The following KANK1 variants were observed in gnomAD, a reference collection of about 807,000 sequenced individuals.
KANK1 encodes KN motif and ankyrin repeat domain-containing protein 1.
In KANK1, 109 loss-of-function variants were observed where a neutral mutation model predicts 106.2. That is an observed-to-expected ratio of 1.03 (90% CI 0.88 to 1.20). The LOEUF (loss-of-function observed/expected upper bound fraction) is 1.20. Among genes scored for constraint, KANK1 ranks in the 50% most tolerant of loss-of-function variants. The pLI, the probability that KANK1 is intolerant of heterozygous loss-of-function variation, is 0.00. For missense variants in KANK1, 2,399 were observed against 1,710.7 expected, an observed-to-expected ratio of 1.40 and a Z score of -7.10; for synonymous variants, 873 against 652.2, an observed-to-expected ratio of 1.34 and a Z score of -5.16.
At chr9:662,411 A>T (rs564752044) in intron 1 of KANK1, among the ~76,000 whole-genome samples, 2 of 152,300 alleles carry the variant, frequency 1.3e-5, no homozygotes, top group South Asian at 4.1e-4. Context: ...GCATCACGCT[A>T]CCTGACTTTA....
At chr9:706,819 G>T in intron 2 of KANK1, 1 of 985,482 alleles carries the variant, frequency 1.0e-6, no homozygotes, top group Non-Finnish European at 1.2e-6. Flanking sequence ...TTGTGCCTCT[G>T]CACCTCCTCA....
rs1826319516 is a variant in KANK1, at chr9:712,175, A to G, written c.1409A>G (p.Tyr470Cys). 6.2e-6 allele frequency: 10 copies of G among 1,614,158 alleles called. No individual in the cohort carries two copies. The highest frequency in any genetic ancestry group is 8.5e-6 in the Non-Finnish European group (10 of 1,180,028). Residue 470 changes from tyrosine (Y) to cysteine (C), a missense_variant, in exon 3 of 12, where the codon TAT (tyrosine) becomes TGT (cysteine). Transcript: ENST00000382297. Reference protein sequence around the residue: ...QTIESLKEKIYRLEVQLRETT... With the variant: ...QTIESLKEKICRLEVQLRETT... Reference sequence around the variant, plus strand: ...ATAGAATCCTTGAAGGAAAAGATCTATCGCCTAGAAGTACAGCTTAGAGAA... The same window carrying G: ...ATAGAATCCTTGAAGGAAAAGATCTGTCGCCTAGAAGTACAGCTTAGAGAA...
At chr9:697,046 G>C (rs989335647) in intron 2 of KANK1, among the ~76,000 whole-genome samples, 2 of 152,000 alleles carry the variant, frequency 1.3e-5, no homozygotes, top group African/African-American at 4.8e-5. Context: ...AGATTTCCCA[G>C]TGGTTAACAT....
At chr9:478,862 G>C (rs2058153297) in intron 3 of KANK1, among the ~76,000 whole-genome samples, 1 of 151,554 alleles carries the variant, frequency 6.6e-6, no homozygotes, top group Non-Finnish European at 1.5e-5. Flanking sequence ...CTAAGTTTTT[G>C]ACCCCATTAT....
intron 1 of KANK1, among the ~76,000 whole-genome samples, chr9:594,647 C>A (rs1447776534): frequency 6.6e-6 from 1 of 151,656 alleles, no homozygotes; most frequent in Non-Finnish European, 1.5e-5. Context: ...AATGGAGAAT[C>A]CCTGAGTGTT....
At chr9:503,898 C>T (rs2058616543), upstream of KANK1, among the ~76,000 whole-genome samples, 2 of 152,190 alleles carry the variant, frequency 1.3e-5, no homozygotes, top group African/African-American at 4.8e-5. Context: ...GGCGTTGGGT[C>T]TTCTGTGGAG....
chr9:668,912 ACT>A (rs1845283082), intron 1 of KANK1, among the ~76,000 whole-genome samples: 1 of 151,876 alleles, frequency 6.6e-6, no homozygotes, highest in Non-Finnish European at 1.5e-5. Flanking sequence ...TAGGGTTTGC[ACT>A]CTTATGAGAA....
At chr9:621,587 T>G (rs1244754848) in intron 1 of KANK1, among the ~76,000 whole-genome samples, 1 of 152,214 alleles carries the variant, frequency 6.6e-6, no homozygotes, top group African/African-American at 2.4e-5. Flanking sequence ...ATTAGAGTTT[T>G]TCTTTGTTTT....
At chr9:684,182 A>G in intron 2 of KANK1, 1 of 985,348 alleles carries the variant, frequency 1.0e-6, no homozygotes, top group Non-Finnish European at 1.2e-6. Flanking sequence ...TTCTTGCCCC[A>G]AGCCTTGAGC....
intron 1 of KANK1, among the ~76,000 whole-genome samples, chr9:650,858 G>A (rs2031177): frequency 0.15 from 22,489 of 152,032 alleles, 2,573 homozygotes; most frequent in East Asian, 0.32. Flanking sequence ...TCTATTAAAG[G>A]CTACAAGGAA....
chr9:740,324 A>T (rs545793157), intron 8 of KANK1, among the ~76,000 whole-genome samples: 1 of 152,206 alleles, frequency 6.6e-6, no homozygotes, highest in South Asian at 2.1e-4. Flanking sequence ...TAGTAAATTC[A>T]GAGTCTCAGA....
chr9:626,671 T>A (rs949830555), intron 1 of KANK1, among the ~76,000 whole-genome samples: 1 of 152,190 alleles, frequency 6.6e-6, no homozygotes, highest in Non-Finnish European at 1.5e-5. Flanking sequence ...GTTACCACTA[T>A]TGCTGAAAAT....
chr9:473,188 C>T (rs990717301), intron 2 of KANK1: 1 of 152,226 alleles, frequency 6.6e-6, no homozygotes, highest in African/African-American at 2.4e-5. Flanking sequence ...TAATTCCTTT[C>T]TACAGGAGAG....
chr9:614,955 C>G (rs928978934), intron 1 of KANK1, among the ~76,000 whole-genome samples: 2 of 151,778 alleles, frequency 1.3e-5, no homozygotes, highest in Non-Finnish European at 2.9e-5. Context: ...ACCCATCCCC[C>G]CCCTGCCCTT....
At chr9:559,497 T>TTTCA (rs1815806967) in intron 1 of KANK1, among the ~76,000 whole-genome samples, 1 of 151,976 alleles carries the variant, frequency 6.6e-6, no homozygotes, top group South Asian at 2.1e-4. Context: ...CCAGGCCTGG[T>TTTCA]TTCATTATAT....
At chr9:720,166 T>A (rs1828920465) in intron 3 of KANK1, among the ~76,000 whole-genome samples, 1 of 152,184 alleles carries the variant, frequency 6.6e-6, no homozygotes, top group Non-Finnish European at 1.5e-5. Context: ...CATGCTTTAT[T>A]GGTGTTTATG....
At position 713,161 on chromosome 9, in the gene KANK1, G is replaced by A. The variant is rs1233835795; in HGVS notation, c.2395G>A (p.Val799Ile). The change falls in exon 3 of 12, where the codon GTT becomes ATT. Residue 799 changes from valine to isoleucine, a missense_variant. Physicochemically the swap from Val to Ile is conservative, Grantham distance 29. Coordinates refer to ENST00000382297, the MANE Select transcript of KANK1 (RefSeq NM_015158.5). ...GACAGCCAGCAGAAGGAGCGTGGGG[G>A]TTGGGGATGACCCTGTAGGGGAATC... ...GLTASRRSVG[V>I]GDDPVGESLE... The A allele has an allele frequency of 2.2e-5, 35 of 1,590,198 alleles. No individual in the cohort carries two copies. The East Asian group carries it at 7.8e-4, about 36-fold the overall frequency.
chr9:593,198 C>A (rs1386135706), intron 1 of KANK1, among the ~76,000 whole-genome samples: 1 of 151,778 alleles, frequency 6.6e-6, no homozygotes, highest in African/African-American at 2.4e-5. Context: ...CTTTGGCAGA[C>A]CATGTGTTCC....
rs557562322 is a variant in KANK1, at chr9:658,784, A to G, written c.-83-18106A>G. ...CTTTTCTGAAATGCCTTTGTCAAAA[A>G]TCGCATAGGCACATCTGTGTGGGTC... On this transcript the variant is annotated intron_variant, in intron 1 of 11. Coordinates refer to ENST00000382297, the MANE Select transcript of KANK1 (RefSeq NM_015158.5). Among the ~76,000 whole-genome samples, 289 of 152,282 alleles carry G rather than the reference A, an allele frequency of 1.9e-3. 1 individual carries two copies. Among genetic ancestry groups the G allele is most frequent in the Non-Finnish European group, 3.2e-3 (221 of 68,022 alleles).
Sources: allele counts gnomAD v4.1 joint callset (sites outside exome capture counted in the v4.1 genomes callset), GRCh38; gene constraint gnomAD v4.1.1; transcripts MANE v1.5; gene names NCBI Gene and HGNC (gene_info 2026-07-23, HGNC 2026-07-21).